The following STPG2 variants were observed in gnomAD, a reference collection of about 807,000 sequenced individuals.
STPG2 encodes sperm-tail PG-rich repeat-containing protein 2.
A neutral mutation model predicts 54.2 loss-of-function variants in STPG2; 56 were observed. That is an observed-to-expected ratio of 1.03 (90% CI 0.83 to 1.29). The LOEUF is 1.29. Ranked by LOEUF, STPG2 falls within the 50% of genes most tolerant of loss-of-function variation. The pLI, the probability that STPG2 is intolerant of heterozygous loss-of-function variation, is 0.00. For missense variants in STPG2, 596 were observed against 544.9 expected (o/e 1.09, Z -0.93); for synonymous variants, 200 against 181.8 (o/e 1.10, Z -0.81).
intron 4 of STPG2, among the ~76,000 whole-genome samples, chr4:97,528,967 C>A (rs2903136): frequency 6.6e-5 from 10 of 151,982 alleles, no homozygotes; most frequent in South Asian, 6.2e-4. Flanking sequence ...ATTTGAATAC[C>A]CTTTATTTCT....
chr4:98,026,057 A>T (rs1736409146), intron 5 of STPG2: 2 of 1,106,654 alleles, frequency 1.8e-6, no homozygotes, highest in Admixed American at 3.8e-5. Flanking sequence ...CTCTCAATAC[A>T]TAAAGAACAG....
At chr4:97,820,977 C>T (rs1271245404) in intron 9 of STPG2, among the ~76,000 whole-genome samples, 1 of 152,170 alleles carries the variant, frequency 6.6e-6, no homozygotes, top group African/African-American at 2.4e-5. Context: ...ATCTCATGTT[C>T]TTCTCACATT....
intron 8 of STPG2, among the ~76,000 whole-genome samples, chr4:97,863,730 C>T (rs1340644927): frequency 1.3e-5 from 2 of 152,132 alleles, no homozygotes; most frequent in Non-Finnish European, 2.9e-5. Flanking sequence ...TCCAGCAGCA[C>T]ATCAAAAAGC....
intron 9 of STPG2, among the ~76,000 whole-genome samples, chr4:97,756,787 A>C (rs1203979580): frequency 6.6e-6 from 1 of 152,160 alleles, no homozygotes; most frequent in East Asian, 1.9e-4. Flanking sequence ...AATGGAAAAA[A>C]AAAACTGATT....
intron 9 of STPG2, among the ~76,000 whole-genome samples, chr4:97,807,576 T>C (rs1018530867): frequency 1.3e-5 from 2 of 151,738 alleles, no homozygotes; most frequent in Non-Finnish European, 2.9e-5. Context: ...GAAGAGAGAA[T>C]TGCTGAACTG....
At chr4:98,126,973 T>C (rs1250348896) in intron 3 of STPG2, among the ~76,000 whole-genome samples, 1 of 151,962 alleles carries the variant, frequency 6.6e-6, no homozygotes, top group Non-Finnish European at 1.5e-5. Context: ...CTGGGAACAA[T>C]GAATGAATTA....
chr4:97,599,832 A>C (rs1447549285), intron 10 of STPG2, among the ~76,000 whole-genome samples: 1 of 150,558 alleles, frequency 6.6e-6, no homozygotes, highest in Non-Finnish European at 1.5e-5. Context: ...TCAAAAAAAA[A>C]AAAAAGAAAA....
intron 5 of STPG2, among the ~76,000 whole-genome samples, chr4:98,037,996 A>C (rs1474251192): frequency 3.3e-5 from 5 of 152,078 alleles, no homozygotes; most frequent in Admixed American, 6.6e-5. Context: ...TTGTATAATA[A>C]ATGTGATCCA....
chr4:98,078,543 G>A (rs572650416), intron 5 of STPG2, among the ~76,000 whole-genome samples: 38 of 150,808 alleles, frequency 2.5e-4, no homozygotes, highest in African/African-American at 6.6e-4. Flanking sequence ...GACCCTGAAC[G>A]TTAATGAACA....
chr4:98,074,770 A>T (rs1434669342), intron 5 of STPG2, among the ~76,000 whole-genome samples: 1 of 152,190 alleles, frequency 6.6e-6, no homozygotes, highest in Non-Finnish European at 1.5e-5. Flanking sequence ...TAATTACTAA[A>T]ATCTGTTTGA....
intron 9 of STPG2, among the ~76,000 whole-genome samples, chr4:97,829,822 G>C (rs1206860655): frequency 6.6e-6 from 1 of 151,942 alleles, no homozygotes; most frequent in African/African-American, 2.4e-5. Flanking sequence ...GAGAAAATGA[G>C]AGAAAAAAAT....
chr4:98,130,921 C>CAAAAAA lies in STPG2; in HGVS notation c.223-2335_223-2330dup, dbSNP rs34206321. ...TGGGAGACAGAGCGAGACTCCGTCT[C>CAAAAAA]AAAAAAAAAAAAAAAAAACAAAAAA... On this transcript the variant is annotated intron_variant, in intron 2 of 10. Coordinates refer to ENST00000295268, the MANE Select transcript of STPG2 (RefSeq NM_174952.3). 4.7e-3 allele frequency among the ~76,000 whole-genome samples: 196 copies of CAAAAAA among 41,430 alleles called. 6 individuals carry two copies. Among genetic ancestry groups the CAAAAAA allele is most frequent in the Non-Finnish European group, 6.7e-3 (150 of 22,390 alleles). The allele number at this position is 41,430 out of a possible 152,430, so 27.2% of individuals were successfully genotyped here. A position where few individuals can be genotyped will look rare whatever the true frequency, so the allele number is the denominator to read the frequency against.
chr4:97,448,131 C>T (rs1261432127), intron 4 of STPG2, among the ~76,000 whole-genome samples: 1 of 152,154 alleles, frequency 6.6e-6, no homozygotes. Flanking sequence ...CCAATTTCTC[C>T]CATTTGAAAT....
chr4:97,559,349 T>G (rs1732164090), intron 10 of STPG2, among the ~76,000 whole-genome samples: 1 of 152,322 alleles, frequency 6.6e-6, no homozygotes, highest in South Asian at 2.1e-4. Flanking sequence ...TCTAGTACTT[T>G]TATTTTTTAC....
At chr4:97,816,314 T>C (rs543093825) in intron 9 of STPG2, among the ~76,000 whole-genome samples, 10 of 152,328 alleles carry the variant, frequency 6.6e-5, no homozygotes, top group Non-Finnish European at 1.5e-4. Context: ...AAGTCTTTGC[T>C]ATTGTGAACA....
chr4:97,526,571 T>C (rs1311874408), intron 4 of STPG2, among the ~76,000 whole-genome samples: 2 of 152,138 alleles, frequency 1.3e-5, no homozygotes, highest in Admixed American at 6.6e-5. Context: ...ATTCTGGATA[T>C]CAGCCCTTTG....
Position 97,563,389 on chromosome 4 carries a change from G to C in STPG2, c.1321-4272C>G, listed in dbSNP as rs180834937. Among the ~76,000 whole-genome samples the C allele has an allele frequency of 9.7e-3, 1,472 of 152,186 alleles. 27 individuals carry two copies. The highest frequency in any genetic ancestry group is 0.034 in the African/African-American group (1,403 of 41,504). ...TTTTGTTGATCCTTTCAAAAAACCA[G>C]CTCCTGGATTCATTACTTTTTTGAA... On this transcript the variant is annotated intron_variant, in intron 10 of 10. Coordinates refer to ENST00000295268, the MANE Select transcript of STPG2 (RefSeq NM_174952.3).
intron 9 of STPG2, among the ~76,000 whole-genome samples, chr4:97,798,145 A>T (rs1324339720): frequency 3.9e-5 from 6 of 152,060 alleles, no homozygotes; most frequent in Non-Finnish European, 8.8e-5. Flanking sequence ...TCCTGGATTC[A>T]TCGATTTTTT....
intron 10 of STPG2, among the ~76,000 whole-genome samples, chr4:97,648,225 G>A (rs1721967219): frequency 6.6e-6 from 1 of 152,162 alleles, no homozygotes; most frequent in East Asian, 1.9e-4. Context: ...AGTGTGTGGT[G>A]GCTAAACATC....
Sources: allele counts gnomAD v4.1 joint callset (sites outside exome capture counted in the v4.1 genomes callset), GRCh38; gene constraint gnomAD v4.1.1; transcripts MANE v1.5; gene names NCBI Gene and HGNC (gene_info 2026-07-23, HGNC 2026-07-21).